The following KCTD9 variants were observed in gnomAD, a reference collection of about 807,000 sequenced individuals.
KCTD9 encodes BTB/POZ domain-containing protein KCTD9.
In KCTD9, 17 loss-of-function variants were observed where a neutral mutation model predicts 53.3. The observed-to-expected ratio is 0.32, with a 90% confidence interval of 0.22 to 0.48. KCTD9 has a LOEUF of 0.48. KCTD9 is among the 20% of genes least tolerant of loss of function. The pLI, the probability that KCTD9 is intolerant of heterozygous loss-of-function variation, is 0.99. For synonymous variants in KCTD9, 128 were observed against 162.7 expected (o/e 0.79, Z 1.62); for missense variants, 179 against 465.5 (o/e 0.38, Z 5.66).
intron 1 of KCTD9, 30 bp downstream of exon 1, chr8:25,458,169 G>GCCCC: frequency 6.8e-7 from 1 of 1,460,180 alleles, no homozygotes; most frequent in Non-Finnish European, 9.4e-7. Context: ...CCGACCCCCG[G>GCCCC]CCCGCCGCGC....
intron 2 of KCTD9, 159 bp downstream of exon 2, chr8:25,445,970 T>C (rs1802207459): frequency 8.5e-6 from 7 of 827,232 alleles, no homozygotes; most frequent in Non-Finnish European, 1.3e-5. Flanking sequence ...TCAATTCACC[T>C]TAAGCCCAAA....
In KCTD9 at chr8:25,457,366, A is replaced by C. The variant is rs1377143419; in HGVS notation, c.48+833T>G. ...AGCAACGCAATAAATGTCTGCCTCG[A>C]ACAGTGAAAATTTCCCAAAGGAGCA... On this transcript the variant is annotated intron_variant, in intron 1 of 11. Coordinates refer to ENST00000221200, the MANE Select transcript of KCTD9 (RefSeq NM_017634.4). 5.1e-6 allele frequency: 5 copies of C among 985,106 alleles called. No individual in the cohort carries two copies. In the Admixed American group the frequency reaches 3.1e-4, roughly 61 times the overall value. The allele number at this position is 985,106 out of a possible 1,614,324, so 61.0% of individuals were successfully genotyped here. A position where few individuals can be genotyped will look rare whatever the true frequency, so the allele number is the denominator to read the frequency against.
intron 1 of KCTD9, among the ~76,000 whole-genome samples, chr8:25,448,003 C>CTCCA (rs1424815876): frequency 2.6e-5 from 4 of 151,970 alleles, no homozygotes. Flanking sequence ...AGGCACATGC[C>CTCCA]TGTAGTCTTA....
intron 3 of KCTD9, among the ~76,000 whole-genome samples, chr8:25,441,162 A>G (rs1335923183): frequency 1.3e-5 from 2 of 152,152 alleles, no homozygotes; most frequent in African/African-American, 4.8e-5. Context: ...TGAATGCAAC[A>G]AAGACAACAG....
intron 3 of KCTD9, among the ~76,000 whole-genome samples, chr8:25,441,308 A>G (rs1390407741): frequency 2.0e-5 from 3 of 152,174 alleles, no homozygotes; most frequent in Non-Finnish European, 4.4e-5. Flanking sequence ...ATGAAATTGG[A>G]AAAACTGTCC....
intron 4 of KCTD9, 75 bp from the exon 5 acceptor site, chr8:25,439,739 C>T (rs1802082264): frequency 4.4e-6 from 7 of 1,604,924 alleles, no homozygotes; most frequent in Non-Finnish European, 5.1e-6. Flanking sequence ...AGAGTATACT[C>T]GATCCCAGCT....
Position 25,433,359 on chromosome 8 carries a change from T to A in KCTD9, c.890A>T (p.Asp297Val). 6.2e-7 allele frequency: 1 copy of A among 1,606,934 alleles called. No individual in the cohort carries two copies. Among genetic ancestry groups the A allele is most frequent in the Non-Finnish European group, 8.5e-7 (1 of 1,174,926 alleles). ...GASLKLCNFE[D>V]PSGLKANLEG... ...TAAATTGGCTTTAAGACCAGAAGGA[T>A]CCTCAAAATTACACAGTTTCAGGGA... Residue 297 changes from aspartate (D) to valine (V), a missense_variant, in exon 10 of 12, where the codon GAT becomes GTT. By Grantham distance (152) the Asp-to-Val change is radical. This residue lies in a region of KCTD9 where 30 missense variants were observed against 133.2 expected (regional missense o/e 0.23). Coordinates refer to ENST00000221200, the MANE Select transcript of KCTD9 (RefSeq NM_017634.4).
intron 1 of KCTD9, 67 bp from the exon 2 acceptor site, chr8:25,446,317 T>C (rs1285916700): frequency 1.3e-6 from 2 of 1,548,866 alleles, no homozygotes; most frequent in Non-Finnish European, 8.9e-7. Flanking sequence ...AGTTATAAAC[T>C]ACCACACTAG....
At chr8:25,457,558 G>C (rs183924125) in intron 1 of KCTD9, 1 of 160,776 alleles carries the variant, frequency 6.2e-6, no homozygotes, top group East Asian at 1.9e-4. Context: ...GTCCTCTAGG[G>C]AATCAAAATA....
chr8:25,443,485 T>C lies in KCTD9; in HGVS notation c.214+807A>G, dbSNP rs117618014. 5.4e-3 allele frequency among the ~76,000 whole-genome samples: 821 copies of C among 152,222 alleles called. 7 individuals carry two copies. Among genetic ancestry groups the C allele is most frequent in the Non-Finnish European group, 9.1e-3 (616 of 67,974 alleles). On this transcript the variant is annotated intron_variant, in intron 3 of 11. Transcript: ENST00000221200. ...GTTAATAACAATAAAAAAACCTTAATTGATCATTTTTTATTGTGTTTGTAT... is the reference window on the plus strand; with the variant it reads ...GTTAATAACAATAAAAAAACCTTAACTGATCATTTTTTATTGTGTTTGTAT...
chr8:25,429,761 AGT>A lies in KCTD9; in HGVS notation c.*94_*95del. 1.4e-6 allele frequency: 1 copy of A among 702,734 alleles called. No individual in the cohort carries two copies. Among genetic ancestry groups the A allele is most frequent in the Non-Finnish European group, 2.6e-6 (1 of 387,700 alleles). The allele number at this position is 702,734 out of a possible 1,614,324, so 43.5% of individuals were successfully genotyped here. A position where few individuals can be genotyped will look rare whatever the true frequency, so the allele number is the denominator to read the frequency against. On this transcript the variant is annotated 3_prime_UTR_variant, in exon 12 of 12. Transcript: ENST00000221200. ...ATGTTTTTTTTTTAAATTTCCTTAC[AGT>A]GTTATTTCTTCTAGACAACTGAGTG...
At chr8:25,446,292 A>ATG in intron 1 of KCTD9, 42 bp from the exon 2 acceptor site, 1 of 1,603,774 alleles carries the variant, frequency 6.2e-7, no homozygotes, top group Non-Finnish European at 8.5e-7. Context: ...TCTTTAATAC[A>ATG]TGTTATCCCC....
chr8:25,435,832 T>C (rs893018145), intron 8 of KCTD9, among the ~76,000 whole-genome samples: 7 of 150,276 alleles, frequency 4.7e-5, no homozygotes, highest in Non-Finnish European at 1.0e-4. Context: ...TATATTTAAA[T>C]TATTTTATTA....
intron 11 of KCTD9, among the ~76,000 whole-genome samples, chr8:25,430,257 G>A (rs1801902091): frequency 6.6e-6 from 1 of 152,098 alleles, no homozygotes; most frequent in Admixed American, 6.6e-5. Context: ...TTGAAAACAG[G>A]GGTCCCCAAC....
chr8:25,435,616 G>T, intron 8 of KCTD9, 104 bp from the exon 9 acceptor site: 1 of 915,438 alleles, frequency 1.1e-6, no homozygotes, highest in Non-Finnish European at 1.6e-6. Context: ...GCAATTGGCA[G>T]TTCAGTCACT....
At chr8:25,455,419 G>C (rs1342825599) in intron 1 of KCTD9, among the ~76,000 whole-genome samples, 5 of 151,988 alleles carry the variant, frequency 3.3e-5, no homozygotes, top group African/African-American at 4.8e-5. Context: ...CTTAGGGAGA[G>C]GCTGATTATT....
chr8:25,432,488 G>C lies in KCTD9; in HGVS notation c.1053+16C>G, dbSNP rs931981581. On this transcript the variant is annotated intron_variant, in intron 11 of 11. Transcript: ENST00000221200. ...GTCTAGAGTAATAAAAATTCTTAAA[G>C]TGTTGGTGAACTCACCTCTAAATCA... The C allele has an allele frequency of 3.1e-6, 5 of 1,606,638 alleles. No homozygotes were observed. Among genetic ancestry groups the C allele is most frequent in the Non-Finnish European group, 4.2e-6 (5 of 1,176,884 alleles).
chr8:25,445,971 T>G (rs187189017), intron 2 of KCTD9, 158 bp downstream of exon 2: 1 of 831,044 alleles, frequency 1.2e-6, no homozygotes, highest in African/African-American at 1.7e-5. Flanking sequence ...CAATTCACCT[T>G]AAGCCCAAAT....
intron 4 of KCTD9, among the ~76,000 whole-genome samples, chr8:25,440,282 T>TCTC (rs1343868473): frequency 3.3e-5 from 5 of 151,802 alleles, no homozygotes; most frequent in African/African-American, 1.2e-4. Context: ...ATGGTCTCGA[T>TCTC]CTCCTGACCT....
Sources: gnomAD v4.1 joint callset for allele counts (sites outside exome capture counted in the v4.1 genomes callset) on GRCh38, gnomAD v4.1.1 for gene constraint, gnomAD v4.1.1 regional missense constraint, MANE v1.5 for transcripts, NCBI Gene and HGNC (gene_info 2026-07-23, HGNC 2026-07-21) for gene names.